The following F8 variants were observed in gnomAD, a reference collection of about 807,000 sequenced individuals.
The protein encoded by F8 is antihemophilic factor.
Under a neutral mutation model 140.6 loss-of-function variants are expected in F8, and 12 were observed. The observed-to-expected ratio is 0.09, with a 90% CI of 0.05 to 0.14. The LOEUF (loss-of-function observed/expected upper bound fraction) is 0.14. Among genes scored for constraint, F8 ranks in the 10% least tolerant of loss-of-function variants. The pLI, the probability that F8 is intolerant of heterozygous loss-of-function variation, is 1.00. For missense variants in F8, 1,354 were observed against 1,720.7 expected (o/e 0.79, Z 3.77); for synonymous variants, 585 against 614.6 (o/e 0.95, Z 0.71).
chrX:155,012,729 C>A (rs990517482), intron 1 of F8, among the ~76,000 whole-genome samples: 28 of 108,790 alleles, frequency 2.6e-4, no homozygotes, highest in Middle Eastern at 9.4e-3. Flanking sequence ...AAAAACCAAA[C>A]CAAAACAAAA....
chrX:154,993,266 T>G, intron 3 of F8, 118 bp from the exon 4 acceptor site: 1 of 588,639 alleles, frequency 1.7e-6, no homozygotes, highest in Non-Finnish European at 2.7e-6. Context: ...GCATCTTTGT[T>G]GTTGTTGTTG....
intron 19 of F8, among the ~76,000 whole-genome samples, chrX:154,901,781 G>C (rs1282433326): frequency 9.0e-6 from 1 of 111,139 alleles, no homozygotes; most frequent in Non-Finnish European, 1.9e-5. Flanking sequence ...TGCTACTGGA[G>C]ATCTTCGAGC....
intron 1 of F8, among the ~76,000 whole-genome samples, chrX:155,007,897 C>T (rs1557286189): frequency 9.0e-6 from 1 of 110,522 alleles, no homozygotes. Flanking sequence ...ACCAGCTTCT[C>T]GGTGGCCAGA....
chrX:154,956,928 A>G (rs1557281230), intron 11 of F8, 29 bp downstream of exon 11: 1 of 1,144,972 alleles, frequency 8.7e-7, no homozygotes, highest in Admixed American at 2.2e-5. Flanking sequence ...TGAGAATGAA[A>G]CCCAGCACTT....
intron 13 of F8, among the ~76,000 whole-genome samples, chrX:154,938,414 C>T (rs1358815359): frequency 9.0e-6 from 1 of 111,616 alleles, no homozygotes; most frequent in Non-Finnish European, 1.9e-5. Flanking sequence ...TTATCTGCAT[C>T]ACTCCATCAA....
chrX:154,930,547 A>T lies in F8; in HGVS notation c.3243T>A (p.Asn1081Lys). Residue 1081 changes from asparagine to lysine, a missense_variant, in exon 14 of 26, where the codon AAT (asparagine) becomes AAA (lysine). This residue lies in a region of F8 where 658 missense variants were observed against 666.5 expected (regional missense o/e 0.99). Coordinates refer to ENST00000360256, the MANE Select transcript of F8 (RefSeq NM_000132.4). The stretch of plus-strand genomic sequence containing the variant: ...ATGAAGTAGTTTTATTTGACATATG[A>T]TTTAGCCTCAAAGCTGTAGCATTTT... The part of the protein sequence containing the change: ...MDKNATALRL[N>K]HMSNKTTSSK... 1 of 1,211,078 alleles carries T rather than the reference A, an allele frequency of 8.3e-7. No individual in the cohort carries two copies. The highest frequency in any genetic ancestry group is 1.1e-6 in the Non-Finnish European group (1 of 894,951).
intron 14 of F8, 149 bp downstream of exon 14, chrX:154,928,422 C>T (rs1196599699): frequency 1.9e-6 from 1 of 539,896 alleles, no homozygotes; most frequent in Non-Finnish European, 3.1e-6. Flanking sequence ...CCTCTACCCT[C>T]TTGTAAACCT....
intron 13 of F8, among the ~76,000 whole-genome samples, chrX:154,944,957 G>A (rs2073294722): frequency 9.1e-6 from 1 of 110,302 alleles, no homozygotes; most frequent in Non-Finnish European, 1.9e-5. Flanking sequence ...CTCATAGGTG[G>A]GAATTGAACA....
intron 21 of F8, among the ~76,000 whole-genome samples, chrX:154,898,442 T>A (rs1180513621): frequency 8.9e-6 from 1 of 112,088 alleles, no homozygotes; most frequent in Non-Finnish European, 1.9e-5. Flanking sequence ...ACAGTGACAG[T>A]TAATAGATGG....
chrX:155,022,364 C>A (rs200959882), intron 1 of F8, 46 bp downstream of exon 1: 2 of 1,178,412 alleles, frequency 1.7e-6, no homozygotes, highest in Middle Eastern at 2.6e-4. Flanking sequence ...AGACTTACAT[C>A]CCCACAATCC....
chrX:154,939,810 G>A (rs2073248239), intron 13 of F8, among the ~76,000 whole-genome samples: 1 of 111,842 alleles, frequency 8.9e-6, no homozygotes, highest in African/African-American at 3.3e-5. Context: ...ACTCCTCTGA[G>A]ACAAAACTTC....
chrX:154,862,108 C>T (rs1187452869), intron 23 of F8, among the ~76,000 whole-genome samples: 2 of 111,241 alleles, frequency 1.8e-5, no homozygotes, highest in South Asian at 3.8e-4. Context: ...CTCACTGCAA[C>T]CTCTGCCTCC....
At chrX:154,953,167 T>C (rs145714691) in intron 12 of F8, among the ~76,000 whole-genome samples, 1,366 of 111,978 alleles carry the variant, frequency 0.012, 14 homozygotes, top group Middle Eastern at 0.023. Context: ...TGTGTATGTA[T>C]GCAATGGGCT....
At chrX:155,000,642 C>T (rs2073641472) in intron 1 of F8, among the ~76,000 whole-genome samples, 1 of 81,985 alleles carries the variant, frequency 1.2e-5, no homozygotes, top group East Asian at 3.7e-4. Flanking sequence ...TTGCCCTCCA[C>T]AGATATACAT....
At chrX:154,898,636 C>T (rs782449799) in intron 21 of F8, among the ~76,000 whole-genome samples, 4 of 112,196 alleles carry the variant, frequency 3.6e-5, no homozygotes, top group Non-Finnish European at 7.5e-5. Flanking sequence ...GTAACATCTA[C>T]CTCACAAGGT....
chrX:154,916,357 T>A (rs78719186), intron 14 of F8, among the ~76,000 whole-genome samples: 6 of 112,106 alleles, frequency 5.4e-5, no homozygotes, highest in Non-Finnish European at 1.9e-5. Context: ...TTCTCTTCAA[T>A]TTTTTGCAAT....
rs148151623 is a variant in F8, at chrX:154,929,354, C to T, written c.4436G>A (p.Gly1479Asp). 1.1e-4 allele frequency: 138 copies of T among 1,210,072 alleles called. No homozygotes were observed. Among genetic ancestry groups the T allele is most frequent in the Non-Finnish European group, 1.5e-4 (130 of 895,195 alleles). Residue 1479 changes from glycine (G) to aspartate (D), a missense_variant, in exon 14 of 26, where the codon GGC becomes GAC. Gly to Asp is a moderately conservative substitution (Grantham distance 94). Around this residue, in one of 4 missense-constraint regions of F8, gnomAD observed 658 missense variants for 666.5 expected, o/e 0.99. Coordinates refer to ENST00000360256, the MANE Select transcript of F8 (RefSeq NM_000132.4). ...LEMTGDQREVGSLGTSATNSV... is the reference protein window; with the variant it reads ...LEMTGDQREVDSLGTSATNSV... Reference sequence around the variant, plus strand: ...ATTTGTGGCACTTGTCCCCAGGGAGCCAACCTCTCTTTGATCACCAGTCAT... The same window carrying T: ...ATTTGTGGCACTTGTCCCCAGGGAGTCAACCTCTCTTTGATCACCAGTCAT...
intron 13 of F8, among the ~76,000 whole-genome samples, chrX:154,939,595 C>A (rs1445587559): frequency 2.7e-5 from 3 of 112,847 alleles, no homozygotes; most frequent in African/African-American, 9.6e-5. Context: ...GCGGGCAGGG[C>A]ACAGACAAAC....
At chrX:154,849,324 T>C (rs1766307401) in intron 25 of F8, among the ~76,000 whole-genome samples, 1 of 111,744 alleles carries the variant, frequency 8.9e-6, no homozygotes, top group Non-Finnish European at 1.9e-5. Flanking sequence ...CTTTAAAGTC[T>C]ATTTTTCTGC....
Sources: gnomAD v4.1 joint callset for allele counts (sites outside exome capture counted in the v4.1 genomes callset) on GRCh38, gnomAD v4.1.1 for gene constraint, gnomAD v4.1.1 regional missense constraint, MANE v1.5 for transcripts, NCBI Gene and HGNC (gene_info 2026-07-23, HGNC 2026-07-21) for gene names.